FREM1: variants seen among roughly 807,000 people sequenced by gnomAD.
FREM1 encodes FRAS1 related extracellular matrix 1.
Under a neutral mutation model 210.1 loss-of-function variants are expected in FREM1, and 220 were observed. The observed-to-expected ratio is 1.05, with a 90% CI of 0.94 to 1.17. FREM1 has a LOEUF of 1.17. Ranked by LOEUF, FREM1 falls within the 50% of genes most tolerant of loss-of-function variation. FREM1 has a pLI of 0.00. For missense variants in FREM1, 3,454 were observed against 2,675.5 expected (o/e 1.29, Z -6.42); for synonymous variants, 1,189 against 980.2 (o/e 1.21, Z -3.98).
intron 1 of FREM1, among the ~76,000 whole-genome samples, chr9:14,896,138 G>A (rs954893382): frequency 1.9e-4 from 22 of 118,282 alleles, no homozygotes; most frequent in African/African-American, 6.2e-4. Flanking sequence ...AAATCAAGAT[G>A]GGGATAAAAG....
intron 10 of FREM1, among the ~76,000 whole-genome samples, chr9:14,829,995 G>C (rs1159794283): frequency 6.6e-6 from 1 of 152,160 alleles, no homozygotes; most frequent in Non-Finnish European, 1.5e-5. Context: ...GTGGAAGGGA[G>C]AAATGAAACA....
intron 35 of FREM1, among the ~76,000 whole-genome samples, chr9:14,745,103 G>A (rs906129946): frequency 6.6e-6 from 1 of 152,062 alleles, no homozygotes; most frequent in South Asian, 2.1e-4. Context: ...ACGCACAGTG[G>A]GGTCTATTGG....
At chr9:14,870,242 A>G (rs1832352342) in intron 1 of FREM1, among the ~76,000 whole-genome samples, 1 of 152,190 alleles carries the variant, frequency 6.6e-6, no homozygotes, top group Admixed American at 6.5e-5. Context: ...ATCCACATCT[A>G]ATCTATTTCC....
intron 30 of FREM1, 68 bp from the exon 31 acceptor site, chr9:14,748,707 C>A: frequency 1.0e-6 from 1 of 995,198 alleles, no homozygotes; most frequent in Non-Finnish European, 1.5e-6. Flanking sequence ...CACATTGACA[C>A]AGCTCCTGGA....
intron 35 of FREM1, 128 bp from the exon 36 acceptor site, chr9:14,740,362 A>C: frequency 1.5e-6 from 1 of 651,490 alleles, no homozygotes; most frequent in South Asian, 1.9e-5. Context: ...AAACTTTCTA[A>C]GATTTTAATA....
rs745465527 is a variant in FREM1 at position 14,884,915 on chromosome 9, C to CTTTTTTT, written c.-267-15678_-267-15672dup. On this transcript the variant is annotated intron_variant, in intron 1 of 36. Coordinates refer to ENST00000380880, the MANE Select transcript of FREM1 (RefSeq NM_001379081.2). ...TCAAGATATCAATAATTCATCATAGCTTTTTTTTTTTTTTTTTTTTTTTTT... is the reference window on the plus strand; with the variant it reads ...TCAAGATATCAATAATTCATCATAGCTTTTTTTTTTTTTTTTTTTTTTTTTTTTTTTT... Among the ~76,000 whole-genome samples the CTTTTTTT allele has an allele frequency of 1.6e-4, 11 of 70,408 alleles. 1 individual carries two copies. The highest frequency in any genetic ancestry group is 2.1e-4 in the Admixed American group (1 of 4,874). The allele number at this position is 70,408 out of a possible 152,430, so 46.2% of individuals were successfully genotyped here. A position where few individuals can be genotyped will look rare whatever the true frequency, so the allele number is the denominator to read the frequency against.
At chr9:14,889,866 GA>G (rs1836484420) in intron 1 of FREM1, among the ~76,000 whole-genome samples, 1 of 152,178 alleles carries the variant, frequency 6.6e-6, no homozygotes, top group South Asian at 2.1e-4. Context: ...AAAAAATGAA[GA>G]CAGAAAGAAA....
intron 21 of FREM1, among the ~76,000 whole-genome samples, chr9:14,794,529 A>C (rs1851988783): frequency 6.6e-6 from 1 of 152,244 alleles, no homozygotes; most frequent in Non-Finnish European, 1.5e-5. Flanking sequence ...GATCAGGACC[A>C]GAATCAGAGA....
intron 1 of FREM1, among the ~76,000 whole-genome samples, chr9:14,885,600 T>G (rs968362794): frequency 6.6e-6 from 1 of 152,160 alleles, no homozygotes; most frequent in East Asian, 1.9e-4. Flanking sequence ...TTTTTAATTT[T>G]CATAGGGATG....
intron 20 of FREM1, among the ~76,000 whole-genome samples, 178 bp downstream of exon 20, chr9:14,801,474 T>A (rs1036503912): frequency 6.6e-6 from 1 of 152,250 alleles, no homozygotes; most frequent in African/African-American, 2.4e-5. Context: ...TTCTCCTGTC[T>A]AACCGAAATT....
At chr9:14,876,373 T>A (rs1162888550) in intron 1 of FREM1, among the ~76,000 whole-genome samples, 2 of 152,144 alleles carry the variant, frequency 1.3e-5, no homozygotes, top group Non-Finnish European at 2.9e-5. Context: ...TAAGCAAGCC[T>A]GGGCAATGGC....
chr9:14,754,060 A>G (rs567154937), intron 29 of FREM1, among the ~76,000 whole-genome samples: 1 of 152,282 alleles, frequency 6.6e-6, no homozygotes, highest in East Asian at 1.9e-4. Flanking sequence ...TTGTAGTGTG[A>G]CACGTTCTAG....
chr9:14,854,143 G>T (rs1452402996), intron 5 of FREM1, among the ~76,000 whole-genome samples: 2 of 152,112 alleles, frequency 1.3e-5, no homozygotes, highest in African/African-American at 4.8e-5. Context: ...ATAGGCTTAA[G>T]AATATTTTTA....
chr9:14,773,110 A>T (rs1014715896), intron 25 of FREM1, among the ~76,000 whole-genome samples: 8 of 152,052 alleles, frequency 5.3e-5, no homozygotes, highest in African/African-American at 9.7e-5. Flanking sequence ...ATTTTTTTTT[A>T]AAGAAAGCTC....
At chr9:14,861,653 C>T (rs369085679) in intron 3 of FREM1, among the ~76,000 whole-genome samples, 17 of 151,642 alleles carry the variant, frequency 1.1e-4, no homozygotes, top group African/African-American at 4.1e-4. Flanking sequence ...ACTACAGGTG[C>T]CTGCCACCAC....
At chr9:14,841,762 A>ATAATAAAGC (rs1318975371) in intron 9 of FREM1, among the ~76,000 whole-genome samples, 173 bp from the exon 10 acceptor site, 1 of 152,222 alleles carries the variant, frequency 6.6e-6, no homozygotes, top group Admixed American at 6.5e-5. Flanking sequence ...AAAATAATAA[A>ATAATAAAGC]TAATAAAGCA....
At chr9:14,848,644 A>G (rs1248288896) in intron 7 of FREM1, 21 bp downstream of exon 7, 3 of 1,409,620 alleles carry the variant, frequency 2.1e-6, no homozygotes, top group African/African-American at 2.8e-5. Flanking sequence ...ATGTTGCTCT[A>G]TGCCTTATAT....
At chr9:14,808,335 G>A (rs978785274) in intron 16 of FREM1, among the ~76,000 whole-genome samples, 1 of 152,140 alleles carries the variant, frequency 6.6e-6, no homozygotes, top group African/African-American at 2.4e-5. Flanking sequence ...CCCATCTGTT[G>A]CCTCTGGTGA....
chr9:14,747,562 T>C, intron 32 of FREM1, 119 bp downstream of exon 32: 1 of 1,072,940 alleles, frequency 9.3e-7, no homozygotes. Context: ...CCCAAGCCTC[T>C]AATTTCAAAA....
Sources: allele counts gnomAD v4.1 joint callset (sites outside exome capture counted in the v4.1 genomes callset), GRCh38; gene constraint gnomAD v4.1.1; transcripts MANE v1.5; gene names NCBI Gene and HGNC (gene_info 2026-07-23, HGNC 2026-07-21).